The following SPATA17 variants were observed in gnomAD, a reference collection of about 807,000 sequenced individuals.
SPATA17 encodes the protein spermatogenesis-associated protein 17.
SPATA17 carries 53 observed loss-of-function variants against 62.2 expected under a neutral mutation model. The observed-to-expected ratio is 0.85, with a 90% confidence interval of 0.68 to 1.07. The LOEUF (loss-of-function observed/expected upper bound fraction) is 1.07. Ranked by LOEUF, SPATA17 falls within the 50% of genes least tolerant of loss-of-function variation. The pLI is 0.00. For missense variants in SPATA17, 466 were observed against 425.5 expected (o/e 1.10, Z -0.84); for synonymous variants, 146 against 146.8 (o/e 0.99, Z 0.04).
intron 4 of SPATA17, among the ~76,000 whole-genome samples, chr1:217,674,082 T>A (rs1167568298): frequency 1.3e-5 from 2 of 152,144 alleles, no homozygotes; most frequent in Admixed American, 1.3e-4. Context: ...CTCAACCTTG[T>A]TGCTGAAGTC....
intron 5 of SPATA17, among the ~76,000 whole-genome samples, chr1:217,724,517 A>G (rs1287776198): frequency 6.6e-6 from 1 of 152,080 alleles, no homozygotes; most frequent in African/African-American, 2.4e-5. Context: ...GAACCCAGGC[A>G]GTGGAGGTTG....
intron 9 of SPATA17, among the ~76,000 whole-genome samples, chr1:217,836,093 C>A (rs12561834): frequency 0.29 from 43,872 of 152,008 alleles, 7,638 homozygotes; most frequent in Non-Finnish European, 0.38. Context: ...AGGTTGAGTG[C>A]TAACTCTGTC....
At chr1:217,768,364 C>T (rs1673354771) in intron 6 of SPATA17, among the ~76,000 whole-genome samples, 1 of 152,186 alleles carries the variant, frequency 6.6e-6, no homozygotes, top group South Asian at 2.1e-4. Context: ...TAACAATAAC[C>T]TCATGCTTAA....
At chr1:217,647,825 G>A (rs1482238810) in intron 1 of SPATA17, among the ~76,000 whole-genome samples, 1 of 152,020 alleles carries the variant, frequency 6.6e-6, no homozygotes, top group Non-Finnish European at 1.5e-5. Flanking sequence ...CCGGGTTCAA[G>A]CGATTCTTCT....
chr1:217,795,181 T>C (rs751990939), intron 8 of SPATA17, among the ~76,000 whole-genome samples: 1 of 152,102 alleles, frequency 6.6e-6, no homozygotes, highest in Non-Finnish European at 1.5e-5. Flanking sequence ...TTTTTGGCAC[T>C]TACAGGGCTT....
At chr1:217,787,732 G>T (rs1326928555) in intron 8 of SPATA17, among the ~76,000 whole-genome samples, 1 of 149,348 alleles carries the variant, frequency 6.7e-6, no homozygotes, top group South Asian at 2.1e-4. Context: ...ATTATTAAAC[G>T]CTCTTCACTG....
intron 8 of SPATA17, among the ~76,000 whole-genome samples, chr1:217,787,945 C>T (rs1475707147): frequency 6.6e-6 from 1 of 152,094 alleles, no homozygotes; most frequent in Admixed American, 6.5e-5. Context: ...CAGAGGGGAA[C>T]ATTTCAAGGA....
rs58138326 is a variant in SPATA17 at position 217,705,430 on chromosome 1, C to CTTTTTTTTTTTTTTTTTTTTTTT, written c.395+22075_395+22097dup. Among the ~76,000 whole-genome samples the CTTTTTTTTTTTTTTTTTTTTTTT allele has an allele frequency of 4.3e-5, 2 of 46,606 alleles. 1 individual carries two copies. The highest frequency in any genetic ancestry group is 7.3e-5 in the Non-Finnish European group (2 of 27,486). The allele number at this position is 46,606 out of a possible 152,430, so 30.6% of individuals were successfully genotyped here. A position where few individuals can be genotyped will look rare whatever the true frequency, so the allele number is the denominator to read the frequency against. On this transcript the variant is annotated intron_variant, in intron 5 of 10. Transcript: ENST00000366933. ...TTTATCTCAATTAGATTCTAGTTGT[C>CTTTTTTTTTTTTTTTTTTTTTTT]TTTTTTTTTTTTTTTTTTTTTTTTT...
At chr1:217,722,800 A>C (rs1301057062) in intron 5 of SPATA17, among the ~76,000 whole-genome samples, 1 of 151,850 alleles carries the variant, frequency 6.6e-6, no homozygotes, top group Non-Finnish European at 1.5e-5. Flanking sequence ...CTACCCCACT[A>C]TCTCCATTGA....
chr1:217,656,575 TATG>T (rs1670449065), intron 3 of SPATA17, among the ~76,000 whole-genome samples: 1 of 151,956 alleles, frequency 6.6e-6, no homozygotes, highest in African/African-American at 2.4e-5. Flanking sequence ...TGTATGTATG[TATG>T]TATTTATTTA....
intron 10 of SPATA17, among the ~76,000 whole-genome samples, chr1:217,863,872 T>A (rs1354791655): frequency 6.6e-6 from 1 of 152,136 alleles, no homozygotes; most frequent in Admixed American, 6.5e-5. Context: ...ATCATGCTAG[T>A]TAGAATCCCC....
intron 5 of SPATA17, among the ~76,000 whole-genome samples, chr1:217,688,340 C>A (rs1227734385): frequency 6.6e-6 from 1 of 152,206 alleles, no homozygotes; most frequent in African/African-American, 2.4e-5. Context: ...TACCAAAACA[C>A]CTACTCTTTA....
In SPATA17 at chr1:217,690,192, C is replaced by T. The variant is rs562672390; in HGVS notation, c.395+6831C>T. ...TACTGGGACTATAGGCGTGAGCCAC[C>T]GGGCCCAGCCTTTACTTTAGTTTTT... is the stretch of plus-strand genomic sequence containing the variant. On this transcript the variant is annotated intron_variant, in intron 5 of 10. Coordinates refer to ENST00000366933, the MANE Select transcript of SPATA17 (RefSeq NM_138796.4). Among the ~76,000 whole-genome samples the T allele has an allele frequency of 2.0e-4, 30 of 152,186 alleles. No individual in the cohort carries two copies. The South Asian group carries it at 3.1e-3, about 16-fold the overall frequency.
At chr1:217,684,462 TG>T (rs1396769344) in intron 5 of SPATA17, among the ~76,000 whole-genome samples, 12 of 152,328 alleles carry the variant, frequency 7.9e-5, no homozygotes, top group African/African-American at 2.9e-4. Flanking sequence ...TCACGCAGGC[TG>T]GAGTGCAGTG....
chr1:217,797,343 G>A (rs187759369), intron 8 of SPATA17, among the ~76,000 whole-genome samples: 14 of 147,576 alleles, frequency 9.5e-5, no homozygotes, highest in South Asian at 4.3e-4. Context: ...TCCACCTCCC[G>A]GGTTCAGATG....
chr1:217,855,961 G>A (rs978726338), intron 9 of SPATA17, among the ~76,000 whole-genome samples: 11 of 151,834 alleles, frequency 7.2e-5, no homozygotes, highest in Middle Eastern at 3.2e-3. Context: ...CCTTGACCTC[G>A]TGTTCTGCCC....
At chr1:217,754,400 C>G (rs1427209663) in intron 6 of SPATA17, among the ~76,000 whole-genome samples, 1 of 152,080 alleles carries the variant, frequency 6.6e-6, no homozygotes, top group Admixed American at 6.6e-5. Context: ...CTTAGAAACA[C>G]AAGCAGTTAG....
At chr1:217,835,206 G>A (rs996943072) in intron 9 of SPATA17, among the ~76,000 whole-genome samples, 4 of 152,034 alleles carry the variant, frequency 2.6e-5, no homozygotes, top group Non-Finnish European at 4.4e-5. Flanking sequence ...AAATCTCTTG[G>A]TTGAACTCAT....
intron 5 of SPATA17, among the ~76,000 whole-genome samples, chr1:217,694,459 G>T (rs1188964264): frequency 8.7e-4 from 122 of 140,740 alleles, no homozygotes; most frequent in African/African-American, 3.1e-3. Flanking sequence ...TTGCCAGTCT[G>T]TGTCTTTTAA....
Sources: allele counts gnomAD v4.1 joint callset (sites outside exome capture counted in the v4.1 genomes callset), GRCh38; gene constraint gnomAD v4.1.1; transcripts MANE v1.5; gene names NCBI Gene and HGNC (gene_info 2026-07-23, HGNC 2026-07-21).